NT5DC1: variants seen among roughly 807,000 people sequenced by gnomAD.
NT5DC1 encodes the protein 5'-nucleotidase domain containing 1.
A neutral mutation model predicts 59.4 loss-of-function variants in NT5DC1; 42 were observed. The ratio of observed to expected loss-of-function variants is 0.71; its 90% confidence interval spans 0.55 to 0.92. NT5DC1 has a LOEUF of 0.92. Among genes scored for constraint, NT5DC1 ranks in the 40% least tolerant of loss-of-function variants. The pLI, the probability that NT5DC1 is intolerant of heterozygous loss-of-function variation, is 0.00. For missense variants in NT5DC1, 501 were observed against 537.1 expected (o/e 0.93, Z 0.66); for synonymous variants, 172 against 188.1 (o/e 0.91, Z 0.70).
chr6:116,204,924 A>T (rs946578293), intron 6 of NT5DC1, among the ~76,000 whole-genome samples: 9 of 151,996 alleles, frequency 5.9e-5, no homozygotes, highest in African/African-American at 2.2e-4. Context: ...TGAGGAAAGC[A>T]AATTGCACAA....
chr6:116,101,274 A>G (rs1778644612), intron 1 of NT5DC1, among the ~76,000 whole-genome samples: 1 of 151,838 alleles, frequency 6.6e-6, no homozygotes, highest in Non-Finnish European at 1.5e-5. Flanking sequence ...AGAACGAAGG[A>G]GGGGCAAACT....
chr6:116,138,830 A>G (rs1324071408), intron 6 of NT5DC1, among the ~76,000 whole-genome samples: 2 of 152,144 alleles, frequency 1.3e-5, no homozygotes, highest in Admixed American at 1.3e-4. Context: ...GATTACAACT[A>G]TGATATTGAG....
chr6:116,243,959 A>C lies in NT5DC1; in HGVS notation c.1303A>C (p.Thr435Pro). Residue 435 changes from threonine (T) to proline (P), a missense_variant, in exon 12 of 12, where the codon ACA becomes CCA. Thr to Pro is a conservative substitution (Grantham distance 38, BLOSUM62 -1). Transcript: ENST00000319550. The part of the protein sequence containing the change: ...FTRFSSSNSK[T>P]AGYYPNPPLV... ...AAGATTCTCTTCAAGCAATTCAAAA[A>C]CAGCTGGCTACTATCCAAATCCTCC... 1 of 1,584,314 alleles carries C rather than the reference A, an allele frequency of 6.3e-7. No individual in the cohort carries two copies. The highest frequency in any genetic ancestry group is 1.1e-5 in the South Asian group (1 of 89,002).
At chr6:116,125,273 G>T in intron 6 of NT5DC1, 1 of 1,555,390 alleles carries the variant, frequency 6.4e-7, no homozygotes, top group Non-Finnish European at 8.8e-7. Context: ...TTGTTAAAGA[G>T]ATTATTAAGA....
chr6:116,153,423 A>T (rs918611470), intron 6 of NT5DC1, among the ~76,000 whole-genome samples: 3 of 152,102 alleles, frequency 2.0e-5, no homozygotes, highest in Admixed American at 2.0e-4. Context: ...AGTTATCTTT[A>T]AGCATAGTGT....
chr6:116,156,486 T>A (rs1276935131), intron 6 of NT5DC1, among the ~76,000 whole-genome samples: 1 of 152,162 alleles, frequency 6.6e-6, no homozygotes. Context: ...CTGTGTATAG[T>A]GCAAAGTAAA....
intron 6 of NT5DC1, among the ~76,000 whole-genome samples, chr6:116,132,692 T>G (rs1289440104): frequency 6.6e-6 from 1 of 152,138 alleles, no homozygotes; most frequent in Non-Finnish European, 1.5e-5. Flanking sequence ...GAGAGCCCAC[T>G]GAGGGAAAAC....
chr6:116,201,635 T>C (rs763710531), intron 6 of NT5DC1, among the ~76,000 whole-genome samples: 2 of 151,994 alleles, frequency 1.3e-5, no homozygotes, highest in Non-Finnish European at 2.9e-5. Context: ...CTTACTATTA[T>C]TTAGGCTTGT....
intron 8 of NT5DC1, among the ~76,000 whole-genome samples, chr6:116,228,133 C>G (rs1392843265): frequency 6.6e-6 from 1 of 152,196 alleles, no homozygotes; most frequent in East Asian, 1.9e-4. Context: ...TCCTACCAGT[C>G]TCTGTAATGA....
intron 6 of NT5DC1, among the ~76,000 whole-genome samples, chr6:116,167,767 A>G (rs781227743): frequency 1.1e-4 from 16 of 152,186 alleles, no homozygotes; most frequent in Admixed American, 3.9e-4. Context: ...ATTACGTTGC[A>G]TAGCCCTCAA....
intron 8 of NT5DC1, among the ~76,000 whole-genome samples, chr6:116,235,175 A>G (rs143675129): frequency 6.6e-6 from 1 of 152,106 alleles, no homozygotes; most frequent in Non-Finnish European, 1.5e-5. Context: ...AGATATCTAC[A>G]TATCAACTGT....
intron 6 of NT5DC1, among the ~76,000 whole-genome samples, chr6:116,176,743 A>G (rs1780743011): frequency 2.0e-5 from 3 of 152,158 alleles, no homozygotes; most frequent in Middle Eastern, 3.4e-3. Flanking sequence ...TTTCATTAGC[A>G]TGAAGAGTCT....
intron 6 of NT5DC1, among the ~76,000 whole-genome samples, chr6:116,133,584 G>A (rs1338864391): frequency 6.6e-5 from 10 of 151,960 alleles, no homozygotes; most frequent in Non-Finnish European, 1.0e-4. Context: ...TCGTCAAAAC[G>A]GATACTTATG....
intron 6 of NT5DC1, among the ~76,000 whole-genome samples, chr6:116,136,532 G>A (rs1779608033): frequency 1.3e-5 from 2 of 151,976 alleles, no homozygotes; most frequent in Non-Finnish European, 1.5e-5. Context: ...TCATTTAGCT[G>A]GTAGGCGGCA....
At chr6:116,168,144 A>G (rs529466379) in intron 6 of NT5DC1, among the ~76,000 whole-genome samples, 99 of 140,808 alleles carry the variant, frequency 7.0e-4, no homozygotes, top group African/African-American at 2.6e-3. Context: ...ACTTAACACC[A>G]TTGGTTTGTT....
Position 116,181,252 on chromosome 6 carries a change from C to T in NT5DC1, c.530-39802C>T, listed in dbSNP as rs73774220. On this transcript the variant is annotated intron_variant, in intron 6 of 11. Transcript: ENST00000319550. ...ATATCAGATAAATAAATATAGTAAACATTAGGTAAATTACTATAATAAGAA... is the reference window on the plus strand; with the variant it reads ...ATATCAGATAAATAAATATAGTAAATATTAGGTAAATTACTATAATAAGAA... Among the ~76,000 whole-genome samples, 207 of 151,862 alleles carry T rather than the reference C, an allele frequency of 1.4e-3. 1 individual carries two copies. The highest frequency in any genetic ancestry group is 4.9e-3 in the African/African-American group (203 of 41,482).
At chr6:116,107,065 T>A (rs1778781827) in intron 2 of NT5DC1, among the ~76,000 whole-genome samples, 1 of 151,496 alleles carries the variant, frequency 6.6e-6, no homozygotes, top group Admixed American at 6.6e-5. Context: ...AGGTGGCACG[T>A]GCTTGTATTT....
chr6:116,170,223 A>T (rs1166898015), intron 6 of NT5DC1, among the ~76,000 whole-genome samples: 2 of 149,508 alleles, frequency 1.3e-5, no homozygotes, highest in Non-Finnish European at 3.0e-5. Context: ...GATGATATGG[A>T]ATGAAAGGAG....
intron 6 of NT5DC1, among the ~76,000 whole-genome samples, chr6:116,173,580 G>A (rs1780664437): frequency 6.6e-6 from 1 of 152,122 alleles, no homozygotes; most frequent in African/African-American, 2.4e-5. Flanking sequence ...GCTCCTCAGG[G>A]TATGAGGAGC....
Sources: allele counts gnomAD v4.1 joint callset (sites outside exome capture counted in the v4.1 genomes callset), GRCh38; gene constraint gnomAD v4.1.1; transcripts MANE v1.5; gene names NCBI Gene and HGNC (gene_info 2026-07-23, HGNC 2026-07-21).